Variants in HSD17B4 observed in about 807,000 individuals in gnomAD.
HSD17B4 encodes hydroxysteroid 17-beta dehydrogenase 4, also known as peroxisomal multifunctional enzyme type 2.
HSD17B4 carries 70 observed loss-of-function variants against 101.0 expected under a neutral mutation model. That is an observed-to-expected ratio of 0.69 (90% CI 0.57 to 0.85). The LOEUF (loss-of-function observed/expected upper bound fraction) is 0.85. Ranked by LOEUF, HSD17B4 falls within the 40% of genes least tolerant of loss-of-function variation. HSD17B4 has a pLI of 0.00. For synonymous variants in HSD17B4, 347 were observed against 297.1 expected (o/e 1.17, Z -1.73); for missense variants, 984 against 892.4 (o/e 1.10, Z -1.31).
chr5:119,536,192 A>G (rs1754517424), intron 22 of HSD17B4: 2 of 462,924 alleles, frequency 4.3e-6, no homozygotes, highest in Admixed American at 3.3e-5. Flanking sequence ...CTGAGCCACT[A>G]CAGAACTGGA....
chr5:119,492,247 CA>C, intron 10 of HSD17B4, 123 bp downstream of exon 10: 1 of 780,270 alleles, frequency 1.3e-6, no homozygotes, highest in Non-Finnish European at 2.3e-6. Context: ...CTTGCATATT[CA>C]AACTTAAACA....
At chr5:119,527,949 T>G (rs1266011950) in intron 20 of HSD17B4, among the ~76,000 whole-genome samples, 1 of 152,170 alleles carries the variant, frequency 6.6e-6, no homozygotes, top group Non-Finnish European at 1.5e-5. Context: ...AATCATTGTT[T>G]TATTTGCAAG....
Position 119,499,655 on chromosome 5 carries a change from A to G in HSD17B4, c.1209+102A>G, listed in dbSNP as rs374782285. On this transcript the variant is annotated intron_variant, in intron 13 of 23. Coordinates refer to ENST00000510025, the MANE Select transcript of HSD17B4 (RefSeq NM_000414.4). ...ATGTGTGTGTAGTGTGTGTATATAT[A>G]TTTATATAATTATTTATAGTGGTTA... 3,680 of 571,404 alleles carry G rather than the reference A, an allele frequency of 6.4e-3. 77 individuals are homozygous for G. Among genetic ancestry groups the G allele is most frequent in the South Asian group, 0.034 (1,248 of 37,158 alleles). 35.4% of individuals were successfully genotyped at this position (571,404 alleles called of 1,614,324 possible).
intron 14 of HSD17B4, among the ~76,000 whole-genome samples, chr5:119,504,722 T>C (rs1265768086): frequency 6.6e-6 from 1 of 152,174 alleles, no homozygotes; most frequent in Admixed American, 6.5e-5. Context: ...TCCCATTCTT[T>C]AGGTTGTCTG....
Position 119,525,265 on chromosome 5 carries a change from C to G in HSD17B4, c.1553C>G (p.Pro518Arg). 1 of 1,610,774 alleles carries G rather than the reference C, an allele frequency of 6.2e-7. No individual in the cohort carries two copies. Among genetic ancestry groups the G allele is most frequent in the Non-Finnish European group, 8.5e-7 (1 of 1,177,290 alleles). Residue 518 changes from proline (P) to arginine (R), a missense_variant, in exon 18 of 24, where the codon CCT (proline) becomes CGT (arginine). Transcript: ENST00000510025. The part of the protein sequence containing the change: ...SGDWNPLHID[P>R]NFASLAGFDK... ...GACTGGAATCCCTTACACATTGATC[C>G]TAACTTTGCTAGTCTAGCAGGTGAG...
intron 8 of HSD17B4, among the ~76,000 whole-genome samples, chr5:119,483,312 G>C (rs574434847): frequency 6.6e-6 from 1 of 152,100 alleles, no homozygotes; most frequent in African/African-American, 2.4e-5. Flanking sequence ...ATTTGCCTGT[G>C]TCTCCAGTTT....
chr5:119,497,217 G>A (rs1313655001), intron 12 of HSD17B4, among the ~76,000 whole-genome samples: 1 of 150,646 alleles, frequency 6.6e-6, no homozygotes, highest in Admixed American at 6.6e-5. Context: ...ATTGGGGGGT[G>A]TGATGAATCA....
In HSD17B4 at chr5:119,462,248, A is replaced by ATTT. The variant is rs10524491; in HGVS notation, c.112+5913_112+5915dup. Reference sequence around the variant, plus strand: ...TTCATATCCTCCCCCAACAAATGTGATTTTTTTTTTTTTTTTTTTTTTTTT... The same window carrying ATTT: ...TTCATATCCTCCCCCAACAAATGTGATTTTTTTTTTTTTTTTTTTTTTTTTTTT... On this transcript the variant is annotated intron_variant, in intron 2 of 23. Coordinates refer to ENST00000510025, the MANE Select transcript of HSD17B4 (RefSeq NM_000414.4). Among the ~76,000 whole-genome samples the ATTT allele has an allele frequency of 5.2e-3, 155 of 29,934 alleles. 12 individuals carry two copies. The highest frequency in any genetic ancestry group is 7.1e-3 in the Non-Finnish European group (90 of 12,644). 19.6% of individuals were successfully genotyped at this position (29,934 alleles called of 152,430 possible).
In HSD17B4 at chr5:119,478,913, C is replaced by T; in HGVS notation, c.514C>T (p.Leu172=). The part of the protein sequence containing the change: ...ANYSAAKLGL[L]GLANSLAIEG... ...TTATAGTGCTGCAAAGTTGGGTCTTCTGGGCCTTGCAAATTCTCTTGCAAT... is the reference window on the plus strand; with the variant it reads ...TTATAGTGCTGCAAAGTTGGGTCTTTTGGGCCTTGCAAATTCTCTTGCAAT... Residue 172 remains leucine (L), a synonymous_variant, in exon 8 of 24, where the codon CTG becomes TTG. Coordinates refer to ENST00000510025, the MANE Select transcript of HSD17B4 (RefSeq NM_000414.4). 1 of 1,613,708 alleles carries T rather than the reference C, an allele frequency of 6.2e-7. No individual in the cohort carries two copies. Among genetic ancestry groups the T allele is most frequent in the South Asian group, 1.1e-5 (1 of 91,078 alleles).
chr5:119,527,934 C>G (rs577413998), intron 20 of HSD17B4, among the ~76,000 whole-genome samples: 36 of 152,198 alleles, frequency 2.4e-4, no homozygotes, highest in Non-Finnish European at 3.8e-4. Flanking sequence ...ACTAAAAGGA[C>G]ATGCAATCAT....
chr5:119,466,836 T>C (rs1335663394), intron 2 of HSD17B4, among the ~76,000 whole-genome samples: 3 of 152,152 alleles, frequency 2.0e-5, no homozygotes, highest in Non-Finnish European at 4.4e-5. Flanking sequence ...GATTTGGTTC[T>C]TGCTTTTCTA....
rs1319422849 is a variant in HSD17B4 at position 119,475,832 on chromosome 5, G to A, written c.311G>A (p.Arg104Lys). 8.1e-6 allele frequency: 13 copies of A among 1,604,120 alleles called. No homozygotes were observed. Among genetic ancestry groups the A allele is most frequent in the Non-Finnish European group, 1.1e-5 (13 of 1,171,304 alleles). The change falls in exon 6 of 24, where the codon AGG becomes AAG. Residue 104 changes from arginine (R) to lysine (K), a missense_variant. Arg to Lys is a conservative substitution (Grantham distance 26). Coordinates refer to ENST00000510025, the MANE Select transcript of HSD17B4 (RefSeq NM_000414.4). ...DVVVNNAGILRDRSFARISDE... is the reference protein window; with the variant it reads ...DVVVNNAGILKDRSFARISDE... ...CAACATTGATTTTTTAGAATTCTGAGGGATCGTTCCTTTGCTAGGATAAGT... is the reference window on the plus strand; with the variant it reads ...CAACATTGATTTTTTAGAATTCTGAAGGATCGTTCCTTTGCTAGGATAAGT...
At chr5:119,501,377 G>C (rs1388779928) in intron 13 of HSD17B4, among the ~76,000 whole-genome samples, 3 of 150,634 alleles carry the variant, frequency 2.0e-5, no homozygotes, top group Non-Finnish European at 4.4e-5. Context: ...GCCCTCTGCA[G>C]TGAAAGTGGG....
intron 17 of HSD17B4, among the ~76,000 whole-genome samples, chr5:119,520,820 A>G (rs1580684201): frequency 2.0e-5 from 3 of 152,004 alleles, no homozygotes; most frequent in Non-Finnish European, 2.9e-5. Context: ...CATTTAATCC[A>G]TGACTATCTA....
chr5:119,522,762 G>A (rs1278559952), intron 17 of HSD17B4, among the ~76,000 whole-genome samples: 5 of 151,966 alleles, frequency 3.3e-5, no homozygotes, highest in Admixed American at 3.3e-4. Flanking sequence ...AGTCTCCAAA[G>A]GTGATATCTT....
intron 15 of HSD17B4, among the ~76,000 whole-genome samples, chr5:119,507,423 T>C (rs1259451244): frequency 6.6e-6 from 1 of 152,172 alleles, no homozygotes; most frequent in Non-Finnish European, 1.5e-5. Context: ...GAAAAAAGAT[T>C]GTAGTAGTTT....
chr5:119,522,357 C>T (rs1464482109), intron 17 of HSD17B4, among the ~76,000 whole-genome samples: 1 of 152,044 alleles, frequency 6.6e-6, no homozygotes. Flanking sequence ...TGGGTTGGTT[C>T]CAAGTCTTTG....
intron 19 of HSD17B4, among the ~76,000 whole-genome samples, chr5:119,526,887 AAGATAAAAAACACTATTT>A (rs1233074959): frequency 5.9e-5 from 9 of 152,016 alleles, no homozygotes; most frequent in Non-Finnish European, 1.2e-4. Context: ...TTGATTTGTC[AAGATAAAAAACACTATTT>A]TTTGATTCCA....
intron 2 of HSD17B4, among the ~76,000 whole-genome samples, chr5:119,458,319 G>A (rs1236565297): frequency 3.3e-5 from 5 of 150,950 alleles, no homozygotes; most frequent in African/African-American, 1.2e-4. Flanking sequence ...TAGACACCGT[G>A]TTTCCAAGTT....
Sources: gnomAD v4.1 joint callset for allele counts (sites outside exome capture counted in the v4.1 genomes callset) on GRCh38, gnomAD v4.1.1 for gene constraint, MANE v1.5 for transcripts, NCBI Gene and HGNC (gene_info 2026-07-23, HGNC 2026-07-21) for gene names.